PTPRC: variants seen among roughly 807,000 people sequenced by gnomAD.
PTPRC encodes the protein protein tyrosine phosphatase receptor type C.
Under a neutral mutation model 155.9 loss-of-function variants are expected in PTPRC, and 44 were observed. That is an observed-to-expected ratio of 0.28 (90% CI 0.22 to 0.36). The LOEUF (loss-of-function observed/expected upper bound fraction) is 0.36. Among genes scored for constraint, PTPRC ranks in the 10% least tolerant of loss-of-function variants. The pLI is 1.00. For missense variants in PTPRC, 1,401 were observed against 1,564.6 expected, an observed-to-expected ratio of 0.90 and a Z score of 1.76; for synonymous variants, 525 against 533.1, an observed-to-expected ratio of 0.98 and a Z score of 0.21.
intron 31 of PTPRC, among the ~76,000 whole-genome samples, chr1:198,753,492 C>G (rs1558041441): frequency 6.6e-6 from 1 of 151,622 alleles, no homozygotes; most frequent in African/African-American, 2.4e-5. Flanking sequence ...TAGTGAAAAA[C>G]TTTTGGAATT....
intron 2 of PTPRC, among the ~76,000 whole-genome samples, chr1:198,682,386 G>A (rs1665383025): frequency 6.6e-6 from 1 of 152,118 alleles, no homozygotes; most frequent in Non-Finnish European, 1.5e-5. Flanking sequence ...TTTCTATTAG[G>A]TGGACTCCCT....
At chr1:198,748,313 G>C in intron 27 of PTPRC, 114 bp downstream of exon 27, 1 of 1,393,484 alleles carries the variant, frequency 7.2e-7, no homozygotes, top group Non-Finnish European at 9.6e-7. Context: ...TTCAACATTT[G>C]GTTGTTAATA....
chr1:198,718,328 A>G (rs1239092819), intron 14 of PTPRC, 26 bp downstream of exon 14: 3 of 1,532,254 alleles, frequency 2.0e-6, no homozygotes, highest in African/African-American at 1.4e-5. Flanking sequence ...CTACATTACT[A>G]TAGTACCAAC....
chr1:198,681,179 T>TATTA (rs879851801), intron 2 of PTPRC, among the ~76,000 whole-genome samples: 390 of 152,172 alleles, frequency 2.6e-3, no homozygotes, highest in Admixed American at 4.4e-3. Context: ...TCATGATCCT[T>TATTA]TTCAGGATTT....
chr1:198,744,301 A>G, intron 26 of PTPRC, 98 bp downstream of exon 26: 2 of 1,245,448 alleles, frequency 1.6e-6, no homozygotes, highest in East Asian at 2.5e-5. Context: ...TAGTGCTTGC[A>G]TTTAGTCTTC....
chr1:198,664,054 G>A (rs1022891682), intron 2 of PTPRC, among the ~76,000 whole-genome samples: 13 of 151,934 alleles, frequency 8.6e-5, no homozygotes, highest in African/African-American at 3.1e-4. Flanking sequence ...AGATGCTATG[G>A]GGGTGAAGAG....
intron 2 of PTPRC, among the ~76,000 whole-genome samples, chr1:198,660,387 A>T (rs1403086839): frequency 6.6e-6 from 1 of 152,048 alleles, no homozygotes; most frequent in Non-Finnish European, 1.5e-5. Flanking sequence ...TATGATTTGC[A>T]CATTTATCTT....
chr1:198,718,370 A>AGTTATTTAAG, intron 14 of PTPRC, 68 bp downstream of exon 14: 1 of 1,306,802 alleles, frequency 7.7e-7, no homozygotes, highest in Non-Finnish European at 1.1e-6. Context: ...TAGTACTTAA[A>AGTTATTTAAG]TAACTTTAAG....
chr1:198,663,380 C>A (rs1664093808), intron 2 of PTPRC, among the ~76,000 whole-genome samples: 4 of 152,150 alleles, frequency 2.6e-5, no homozygotes, highest in African/African-American at 9.7e-5. Flanking sequence ...ATTCCTTCAT[C>A]CAATTAAATA....
chr1:198,665,427 A>G (rs1395564447), intron 2 of PTPRC, among the ~76,000 whole-genome samples: 1 of 152,100 alleles, frequency 6.6e-6, no homozygotes, highest in Non-Finnish European at 1.5e-5. Flanking sequence ...TCAAGAAGTC[A>G]TTATTGAGAC....
chr1:198,647,023 G>T (rs1160920402), intron 2 of PTPRC, among the ~76,000 whole-genome samples: 17 of 151,724 alleles, frequency 1.1e-4, no homozygotes, highest in Admixed American at 1.1e-3. Context: ...TTTGTAACTT[G>T]CATTTTTCTA....
At chr1:198,721,372 TA>T (rs1653878368) in intron 14 of PTPRC, among the ~76,000 whole-genome samples, 1 of 152,122 alleles carries the variant, frequency 6.6e-6, no homozygotes, top group African/African-American at 2.4e-5. Context: ...TTCATTTTTA[TA>T]AACTAAAGGG....
At chr1:198,647,414 C>T (rs1438068924) in intron 2 of PTPRC, among the ~76,000 whole-genome samples, 1 of 151,822 alleles carries the variant, frequency 6.6e-6, no homozygotes, top group South Asian at 2.1e-4. Context: ...GTAGAAGGCA[C>T]TTAATAATTC....
chr1:198,662,082 CA>C (rs1664000857), intron 2 of PTPRC, among the ~76,000 whole-genome samples: 1 of 152,140 alleles, frequency 6.6e-6, no homozygotes, highest in Non-Finnish European at 1.5e-5. Context: ...TTATATTGTA[CA>C]AATCAGCAAT....
At chr1:198,719,801 G>A (rs1653794439) in intron 14 of PTPRC, among the ~76,000 whole-genome samples, 1 of 152,136 alleles carries the variant, frequency 6.6e-6, no homozygotes, top group South Asian at 2.1e-4. Flanking sequence ...AGTAGAGATA[G>A]GTTTTCACCA....
chr1:198,679,536 G>C (rs1665178273), intron 2 of PTPRC: 1 of 160,542 alleles, frequency 6.2e-6, no homozygotes, highest in Admixed American at 6.4e-5. Context: ...CCAAAGTGCT[G>C]GGATTACAGG....
chr1:198,691,148 G>A (rs1665903730), intron 2 of PTPRC, among the ~76,000 whole-genome samples: 1 of 151,954 alleles, frequency 6.6e-6, no homozygotes. Context: ...CTTTTATGTA[G>A]TTCGGTGATC....
In PTPRC at chr1:198,735,572, TC is replaced by T. The variant is rs75858412; in HGVS notation, c.2403+321del. On this transcript the variant is annotated intron_variant, in intron 23 of 32. Transcript: ENST00000442510. ...TATTAAAAGAATAAGCAATTTGTCT[TC>T]ATTGTCAGTGAGTTCCTACTTTTAT... 0.18 allele frequency among the ~76,000 whole-genome samples: 27,957 copies of T among 151,474 alleles called. 3,109 individuals carry two copies. Among genetic ancestry groups the T allele is most frequent in the African/African-American group, 0.29 (12,129 of 41,402 alleles).
At chr1:198,712,169 T>C (rs1653345164) in intron 11 of PTPRC, among the ~76,000 whole-genome samples, 1 of 152,244 alleles carries the variant, frequency 6.6e-6, no homozygotes, top group African/African-American at 2.4e-5. Context: ...ATTCTAACTA[T>C]GACACATGCA....
Sources: gnomAD v4.1 joint callset for allele counts (sites outside exome capture counted in the v4.1 genomes callset) on GRCh38, gnomAD v4.1.1 for gene constraint, MANE v1.5 for transcripts, NCBI Gene and HGNC (gene_info 2026-07-23, HGNC 2026-07-21) for gene names.